Variants in TEAD2 observed in about 807,000 individuals in gnomAD.
TEAD2 encodes transcriptional enhancer factor TEF-4.
TEAD2 carries 51 observed loss-of-function variants against 61.4 expected under a neutral mutation model. The observed-to-expected ratio is 0.83, with a 90% CI of 0.66 to 1.05. TEAD2 has a LOEUF of 1.05. Ranked by LOEUF, TEAD2 falls within the 50% of genes least tolerant of loss-of-function variation. The pLI, the probability that TEAD2 is intolerant of heterozygous loss-of-function variation, is 0.00. For missense variants in TEAD2, 509 were observed against 600.0 expected, an observed-to-expected ratio of 0.85 and a Z score of 1.58; for synonymous variants, 244 against 243.2, an observed-to-expected ratio of 1.00 and a Z score of -0.03.
chr19:49,344,698 C>A (rs1971520220), intron 10 of TEAD2, among the ~76,000 whole-genome samples: 1 of 152,162 alleles, frequency 6.6e-6, no homozygotes, highest in Non-Finnish European at 1.5e-5. Context: ...CCCTCTAAGC[C>A]CCTCTCACTC....
intron 10 of TEAD2, among the ~76,000 whole-genome samples, chr19:49,344,369 C>A (rs1349898121): frequency 1.3e-5 from 2 of 152,092 alleles, no homozygotes; most frequent in Non-Finnish European, 2.9e-5. Flanking sequence ...CAACCTCTGC[C>A]TCCCGGGTTC....
At chr19:49,360,359 G>GC in intron 1 of TEAD2, 1 of 469,484 alleles carries the variant, frequency 2.1e-6, no homozygotes, top group Non-Finnish European at 3.8e-6. Flanking sequence ...GTCTGAGGGA[G>GC]CGGGGGCTGG....
intron 9 of TEAD2, among the ~76,000 whole-genome samples, chr19:49,348,464 T>C (rs1971789791): frequency 1.3e-5 from 2 of 148,982 alleles, no homozygotes; most frequent in African/African-American, 2.5e-5. Context: ...TTTATGCTAG[T>C]AGTTCTCAAA....
intron 9 of TEAD2, 123 bp downstream of exon 9, chr19:49,348,580 T>C (rs1971798154): frequency 6.5e-6 from 6 of 929,194 alleles, no homozygotes; most frequent in Non-Finnish European, 8.6e-6. Context: ...ATCTCTGTTT[T>C]AAGAAGCCCT....
chr19:49,356,839 A>G (rs1233535661), intron 4 of TEAD2, among the ~76,000 whole-genome samples: 1 of 151,942 alleles, frequency 6.6e-6, no homozygotes, highest in Non-Finnish European at 1.5e-5. Flanking sequence ...CACCATCCCT[A>G]TGCATCTCCC....
At chr19:49,342,382 T>C in intron 12 of TEAD2, 56 bp downstream of exon 12, 6 of 1,591,066 alleles carry the variant, frequency 3.8e-6, no homozygotes, top group African/African-American at 2.7e-5. Flanking sequence ...GGGTCTGTTA[T>C]AGGTACTGTC....
intron 10 of TEAD2, among the ~76,000 whole-genome samples, chr19:49,345,373 G>C (rs536711771): frequency 6.9e-6 from 1 of 144,668 alleles, no homozygotes; most frequent in Non-Finnish European, 1.5e-5. Flanking sequence ...TCTTTCTTTC[G>C]GCAGGGTCTC....
At chr19:49,342,106 C>T (rs1292077000) in intron 12 of TEAD2, among the ~76,000 whole-genome samples, 2 of 151,970 alleles carry the variant, frequency 1.3e-5, no homozygotes, top group Admixed American at 1.3e-4. Context: ...GCAGGAGAAT[C>T]ACTTGAACCC....
At chr19:49,351,637 G>GT (rs1972031448) in intron 7 of TEAD2, among the ~76,000 whole-genome samples, 1 of 152,118 alleles carries the variant, frequency 6.6e-6, no homozygotes, top group Non-Finnish European at 1.5e-5. Flanking sequence ...TCTCAGCCCG[G>GT]TATCTCAGGC....
chr19:49,355,097 G>A, intron 7 of TEAD2, 51 bp downstream of exon 7: 2 of 1,479,570 alleles, frequency 1.4e-6, no homozygotes, highest in Non-Finnish European at 1.9e-6. Context: ...AGGTCTCTGT[G>A]GGAGTGTGAG....
chr19:49,360,516 A>G (rs1274395291), intron 1 of TEAD2: 6 of 185,968 alleles, frequency 3.2e-5, no homozygotes, highest in Non-Finnish European at 6.7e-5. Context: ...TGAAGTCACA[A>G]TGATTACCCT....
chr19:49,355,249 G>C (rs1333321950), intron 6 of TEAD2, 43 bp from the exon 7 acceptor site: 2 of 1,613,506 alleles, frequency 1.2e-6, no homozygotes, highest in Non-Finnish European at 1.7e-6. Flanking sequence ...GTCCCCTGTG[G>C]ACAGCTGCAG....
At chr19:49,356,222 C>T (rs939085411) in intron 4 of TEAD2, 2 of 372,240 alleles carry the variant, frequency 5.4e-6, no homozygotes, top group Admixed American at 9.2e-5. Flanking sequence ...TCCCAGATGT[C>T]CAGGAGACAG....
chr19:49,341,516 T>C lies in TEAD2; in HGVS notation c.1243-79A>G. On this transcript the variant is annotated intron_variant, in intron 12 of 12. Transcript: ENST00000593945. This position sits in a 1 kb window ranked among gnomAD's most constrained non-coding sequence, Gnocchi z 4.2. ...CCTGTGCCCCCCTGCCAAGCTATCA[T>C]GGAATACCCAGCAGGCTCTTTTCCA... The C allele has an allele frequency of 1.8e-6, 2 of 1,140,880 alleles. No individual in the cohort carries two copies. Among genetic ancestry groups the C allele is most frequent in the Admixed American group, 1.9e-5 (1 of 53,596 alleles). The allele number at this position is 1,140,880 out of a possible 1,614,324, so 70.7% of individuals were successfully genotyped here. A position where few individuals can be genotyped will look rare whatever the true frequency, so the allele number is the denominator to read the frequency against.
intron 11 of TEAD2, 25 bp from the exon 12 acceptor site, chr19:49,342,615 GA>G: frequency 6.2e-7 from 1 of 1,600,688 alleles, no homozygotes; most frequent in Non-Finnish European, 8.5e-7. Flanking sequence ...AGGGAGTTGG[GA>G]AAATGGTGGC....
intron 4 of TEAD2, 158 bp from the exon 5 acceptor site, chr19:49,356,128 G>T: frequency 2.0e-6 from 1 of 498,570 alleles, no homozygotes; most frequent in Non-Finnish European, 3.1e-6. Flanking sequence ...AGGAAGTGGA[G>T]GTGGCCAGCC....
In TEAD2 at chr19:49,341,487, G is replaced by A; in HGVS notation, c.1243-50C>T. 1 of 1,498,490 alleles carries A rather than the reference G, an allele frequency of 6.7e-7. No homozygotes were observed. Among genetic ancestry groups the A allele is most frequent in the Non-Finnish European group, 9.3e-7 (1 of 1,078,580 alleles). The allele number at this position is 1,498,490 out of a possible 1,614,324, so 92.8% of individuals were successfully genotyped here. ...ACTTATGCTTAGAAGGGAGGGCAGG[G>A]ACCCCTGTGCCCCCCTGCCAAGCTA... On this transcript the variant is annotated intron_variant, in intron 12 of 12. Coordinates refer to ENST00000593945, the MANE Select transcript of TEAD2 (RefSeq NM_001256660.2). The surrounding 1 kb of genome is among the most constrained non-coding windows in gnomAD (Gnocchi z 4.2).
chr19:49,359,569 GGAA>G lies in TEAD2; in HGVS notation c.233-73_233-71del. On this transcript the variant is annotated intron_variant, in intron 2 of 12. Transcript: ENST00000593945. The surrounding 1 kb of genome is among the most constrained non-coding windows in gnomAD (Gnocchi z 4.1). ...AACTTCCCCACAGCATGGACACCAG[GGAA>G]GAAGAAAGCAGCATGGGTCCCCAAA... The G allele has an allele frequency of 1.9e-6, 3 of 1,560,234 alleles. No homozygotes were observed. The highest frequency in any genetic ancestry group is 2.7e-6 in the Non-Finnish European group (3 of 1,131,946).
At position 49,360,066 on chromosome 19, in the gene TEAD2, G is replaced by C; in HGVS notation, c.10C>G (p.Pro4Ala). The change falls in exon 2 of 13, where the codon CCC becomes GCC. Residue 4 changes from proline to alanine, a missense_variant. By Grantham distance (27) the Pro-to-Ala change is conservative (BLOSUM62 -1). Transcript: ENST00000593945. ...TCGTCCAGGGCGGCCCCAGCCCGGG[G>C]TTCCCCCATCTGGGCCTGGAGGAAC... MGE[P>A]RAGAALDDGS... 1 of 1,605,366 alleles carries C rather than the reference G, an allele frequency of 6.2e-7. No individual in the cohort carries two copies.
Sources: allele counts gnomAD v4.1 joint callset (sites outside exome capture counted in the v4.1 genomes callset), GRCh38; gene constraint gnomAD v4.1.1; non-coding constraint Gnocchi (gnomAD v3.1); transcripts MANE v1.5; gene names NCBI Gene and HGNC (gene_info 2026-07-23, HGNC 2026-07-21).